The following ZMAT4 variants were observed in gnomAD, a reference collection of about 807,000 sequenced individuals.
ZMAT4 encodes the protein zinc finger matrin-type protein 4.
ZMAT4 carries 17 observed loss-of-function variants against 28.7 expected under a neutral mutation model. The observed-to-expected ratio is 0.59, with a 90% CI of 0.41 to 0.89. The LOEUF (loss-of-function observed/expected upper bound fraction) is 0.89, where lower values mean the gene tolerates loss of function less well. Among genes scored for constraint, ZMAT4 ranks in the 40% least tolerant of loss-of-function variants. ZMAT4 has a pLI of 0.00. For synonymous variants in ZMAT4, 117 were observed against 109.2 expected, an observed-to-expected ratio of 1.07 and a Z score of -0.44; for missense variants, 240 against 283.8, an observed-to-expected ratio of 0.85 and a Z score of 1.11.
intron 3 of ZMAT4, among the ~76,000 whole-genome samples, chr8:40,767,420 G>T (rs2150561257): frequency 6.6e-6 from 1 of 152,196 alleles, no homozygotes; most frequent in South Asian, 2.1e-4. Context: ...TGGTCCCAGT[G>T]CAATGTCATC....
intron 4 of ZMAT4, among the ~76,000 whole-genome samples, chr8:40,693,535 T>TA (rs1809746735): frequency 6.6e-6 from 1 of 152,192 alleles, no homozygotes; most frequent in African/African-American, 2.4e-5. Flanking sequence ...AGTTTCTGTA[T>TA]AAAAAACCCT....
At chr8:40,775,174 T>C (rs986229193) in intron 2 of ZMAT4, among the ~76,000 whole-genome samples, 1 of 152,214 alleles carries the variant, frequency 6.6e-6, no homozygotes, top group Non-Finnish European at 1.5e-5. Context: ...AAGAATAAGT[T>C]AACCTCGGAA....
chr8:40,601,472 A>G (rs1563359994), intron 5 of ZMAT4, among the ~76,000 whole-genome samples: 12 of 83,952 alleles, frequency 1.4e-4, no homozygotes, highest in African/African-American at 2.9e-4. Flanking sequence ...AAGAAAGGAA[A>G]GAAAGAAAGA....
chr8:40,576,815 A>G (rs750742217), intron 6 of ZMAT4, among the ~76,000 whole-genome samples: 6 of 152,194 alleles, frequency 3.9e-5, no homozygotes, highest in Non-Finnish European at 7.4e-5. Context: ...ATAAACAATA[A>G]ATCCAAAACC....
At position 40,648,165 on chromosome 8, in the gene ZMAT4, G is replaced by C. The variant is rs561678841; in HGVS notation, c.577+26539C>G. ...CATTCAAACCAAAGGCAAAGAACTT[G>C]AAAACTTTGAAAAAAATTTAGAAGA... is the stretch of plus-strand genomic sequence containing the variant. On this transcript the variant is annotated intron_variant, in intron 5 of 6. Transcript: ENST00000297737. Among the ~76,000 whole-genome samples the C allele has an allele frequency of 7.2e-5, 11 of 152,172 alleles. No homozygotes were observed. The South Asian group carries it at 2.3e-3, about 32-fold the overall frequency.
At chr8:40,712,467 A>G (rs767772817) in intron 3 of ZMAT4, among the ~76,000 whole-genome samples, 8 of 152,228 alleles carry the variant, frequency 5.3e-5, no homozygotes, top group Non-Finnish European at 7.3e-5. Context: ...TGTTGTTTCC[A>G]TTCTTTCTTT....
chr8:40,626,148 TG>T (rs34635433), intron 5 of ZMAT4, among the ~76,000 whole-genome samples: 83,520 of 147,650 alleles, frequency 0.57, 24,677 homozygotes, highest in East Asian at 0.69. Context: ...TTGGAAGTCT[TG>T]GGGGGTAAAT....
intron 3 of ZMAT4, among the ~76,000 whole-genome samples, chr8:40,760,868 G>A (rs563995134): frequency 3.3e-5 from 5 of 152,132 alleles, no homozygotes; most frequent in East Asian, 3.9e-4. Flanking sequence ...CTTGGCCAAC[G>A]TAGAATTGAC....
intron 4 of ZMAT4, among the ~76,000 whole-genome samples, chr8:40,680,651 C>T (rs571095557): frequency 3.3e-5 from 5 of 151,666 alleles, no homozygotes; most frequent in Non-Finnish European, 7.4e-5. Context: ...CTCTGCCATT[C>T]AAGCTGACAA....
chr8:40,652,158 G>GGA (rs1807694991), intron 5 of ZMAT4, among the ~76,000 whole-genome samples: 1 of 116,022 alleles, frequency 8.6e-6, no homozygotes, highest in African/African-American at 2.8e-5. Flanking sequence ...CTACAAAATG[G>GGA]GAGAAAATTT....
At chr8:40,735,055 G>A (rs185603511) in intron 3 of ZMAT4, among the ~76,000 whole-genome samples, 232 of 152,264 alleles carry the variant, frequency 1.5e-3, no homozygotes, top group African/African-American at 5.4e-3. Context: ...GCTTTTTACT[G>A]ACTGAGCATG....
chr8:40,624,841 C>G lies in ZMAT4; in HGVS notation c.578-43580G>C, dbSNP rs1215739770. On this transcript the variant is annotated intron_variant, in intron 5 of 6. Coordinates refer to ENST00000297737, the MANE Select transcript of ZMAT4 (RefSeq NM_024645.3). The stretch of plus-strand genomic sequence containing the variant: ...CACTTCCCACAGCCAGGCACTGATC[C>G]AGCCACTGAGAATGCTGCCTTAAAG... Among the ~76,000 whole-genome samples the G allele has an allele frequency of 1.3e-5, 2 of 152,324 alleles. 1 individual carries two copies. The highest frequency in any genetic ancestry group is 4.1e-4 in the South Asian group (2 of 4,822).
rs748969111 is a variant in ZMAT4 at position 40,674,905 on chromosome 8, G to C, written c.376C>G (p.Pro126Ala). The C allele has an allele frequency of 6.2e-7, 1 of 1,613,220 alleles. No homozygotes were observed. Residue 126 changes from proline (P) to alanine (A), a missense_variant, in exon 5 of 7, where the codon CCA (proline) becomes GCA (alanine). By Grantham distance (27) the Pro-to-Ala change is conservative. Coordinates refer to ENST00000297737, the MANE Select transcript of ZMAT4 (RefSeq NM_024645.3). ...ACCACCGGAGCAGTGTCCATCCGTG[G>C]GGGCTTAAGTGGGCTCAGGGGTGTT... ...TATPLSPLKP[P>A]RMDTAPVVAS...
intron 2 of ZMAT4, among the ~76,000 whole-genome samples, chr8:40,775,939 G>T (rs1283056616): frequency 6.6e-6 from 1 of 152,148 alleles, no homozygotes; most frequent in Non-Finnish European, 1.5e-5. Context: ...ACAGAGAAAA[G>T]GCCATGTGAG....
rs1563263506 is a variant in ZMAT4, at chr8:40,881,487, GAAAGAAAGAAA to G, written c.-5+16185_-5+16195del. 1.9e-4 allele frequency among the ~76,000 whole-genome samples: 25 copies of G among 134,408 alleles called. 1 individual carries two copies. The highest frequency in any genetic ancestry group is 6.8e-4 in the African/African-American group (24 of 35,466). The allele number at this position is 134,408 out of a possible 152,430, so 88.2% of individuals were successfully genotyped here. A position where few individuals can be genotyped will look rare whatever the true frequency, so the allele number is the denominator to read the frequency against. On this transcript the variant is annotated intron_variant, in intron 1 of 6. Transcript: ENST00000297737. The stretch of plus-strand genomic sequence containing the variant: ...AGAAAGAAAGAAAGAAAGAAAGAAA[GAAAGAAAGAAA>G]GAGGAAGGAAGGAAGGGGAGAGAGA...
At chr8:40,609,600 C>T (rs912183351) in intron 5 of ZMAT4, among the ~76,000 whole-genome samples, 1 of 152,122 alleles carries the variant, frequency 6.6e-6, no homozygotes, top group African/African-American at 2.4e-5. Context: ...GCTGTCTTAC[C>T]ATCAGTCATT....
intron 6 of ZMAT4, among the ~76,000 whole-genome samples, chr8:40,544,996 G>T (rs1048648094): frequency 6.6e-6 from 1 of 152,136 alleles, no homozygotes; most frequent in African/African-American, 2.4e-5. Flanking sequence ...AAAATACTGT[G>T]TTTTCCATCT....
rs143779993 is a variant in ZMAT4, at chr8:40,678,931, T to C, written c.350-4000A>G. 5.4e-3 allele frequency among the ~76,000 whole-genome samples: 821 copies of C among 152,342 alleles called. 7 individuals carry two copies. The highest frequency in any genetic ancestry group is 0.019 in the African/African-American group (786 of 41,584). ...GTCATGGACTGCTGTCCTATCTCCA[T>C]ATAAACACAGTGTATGGTATCTGTG... is the stretch of plus-strand genomic sequence containing the variant. On this transcript the variant is annotated intron_variant, in intron 4 of 6. Coordinates refer to ENST00000297737, the MANE Select transcript of ZMAT4 (RefSeq NM_024645.3).
At chr8:40,749,577 G>T (rs1210197803) in intron 3 of ZMAT4, among the ~76,000 whole-genome samples, 1 of 152,142 alleles carries the variant, frequency 6.6e-6, no homozygotes, top group Non-Finnish European at 1.5e-5. Flanking sequence ...AAAGAACAAA[G>T]TTAGGATGAC....
Sources: gnomAD v4.1 joint callset for allele counts (sites outside exome capture counted in the v4.1 genomes callset) on GRCh38, gnomAD v4.1.1 for gene constraint, MANE v1.5 for transcripts, NCBI Gene and HGNC (gene_info 2026-07-23, HGNC 2026-07-21) for gene names.